Variants in ARHGAP26 observed in about 807,000 individuals in gnomAD.
ARHGAP26 encodes Rho GTPase activating protein 26.
Under a neutral mutation model 104.8 loss-of-function variants are expected in ARHGAP26, and 38 were observed. That is an observed-to-expected ratio of 0.36 (90% CI 0.28 to 0.48). The LOEUF is 0.48. Ranked by LOEUF, ARHGAP26 falls within the 20% of genes least tolerant of loss-of-function variation. The probability of loss-of-function intolerance (pLI) is 0.99; values close to 1 mark genes in which losing one functional copy is unlikely to be tolerated. For synonymous variants in ARHGAP26, 341 were observed against 340.0 expected (o/e 1.00, Z -0.03); for missense variants, 704 against 947.9 (o/e 0.74, Z 3.38).
In ARHGAP26 at chr5:142,959,570, T is replaced by C. The variant is rs979803159; in HGVS notation, c.1107+27445T>C. On this transcript the variant is annotated intron_variant, in intron 11 of 22. Transcript: ENST00000645722. ...CTCCCAGCCTCTGGAGGCAGCGCCA[T>C]GTTCCTCCTCTTGAGGCTCCTCCAT... Among the ~76,000 whole-genome samples the C allele has an allele frequency of 1.4e-4, 22 of 152,344 alleles. No homozygotes were observed. In the South Asian group the frequency reaches 1.7e-3, roughly 11 times the overall value.
chr5:143,019,451 G>C (rs769125835), intron 12 of ARHGAP26, among the ~76,000 whole-genome samples: 1 of 152,090 alleles, frequency 6.6e-6, no homozygotes, highest in Non-Finnish European at 1.5e-5. Context: ...TCTTTTTGCT[G>C]TTCCCTACCT....
chr5:143,043,617 A>G (rs1466486075), intron 14 of ARHGAP26, among the ~76,000 whole-genome samples: 1 of 152,208 alleles, frequency 6.6e-6, no homozygotes, highest in African/African-American at 2.4e-5. Context: ...AATTTCTAAT[A>G]TAAGGAAGAA....
At chr5:143,173,778 G>T (rs1803112747) in intron 20 of ARHGAP26, among the ~76,000 whole-genome samples, 1 of 152,196 alleles carries the variant, frequency 6.6e-6, no homozygotes, top group South Asian at 2.1e-4. Context: ...GGAGTTCTGA[G>T]TCATGCTGTG....
chr5:143,099,260 T>C (rs1294425402), intron 17 of ARHGAP26, among the ~76,000 whole-genome samples: 1 of 152,244 alleles, frequency 6.6e-6, no homozygotes, highest in Non-Finnish European at 1.5e-5. Context: ...TAAAAAATTA[T>C]ATTCCCAGAA....
chr5:143,218,795 C>G (rs1810742334), intron 22 of ARHGAP26, among the ~76,000 whole-genome samples: 2 of 152,240 alleles, frequency 1.3e-5, no homozygotes, highest in African/African-American at 4.8e-5. Flanking sequence ...AAGCACTTAG[C>G]ATCTTTGATG....
At chr5:143,171,050 T>C (rs1037403073) in intron 20 of ARHGAP26, among the ~76,000 whole-genome samples, 1 of 151,900 alleles carries the variant, frequency 6.6e-6, no homozygotes, top group Non-Finnish European at 1.5e-5. Flanking sequence ...GAGCAGGAAA[T>C]CCTTGAAAGG....
rs545388564 is a variant in ARHGAP26 at position 142,828,768 on chromosome 5, C to G, written c.155-44632C>G. Among the ~76,000 whole-genome samples, 15 of 152,236 alleles carry G rather than the reference C, an allele frequency of 9.9e-5. No individual in the cohort carries two copies. In the East Asian group the frequency reaches 1.4e-3, roughly 14 times the overall value. On this transcript the variant is annotated intron_variant, in intron 1 of 22. Transcript: ENST00000645722. ...TATATTTTGAGGGGTTGGCAACTCTCTCCGCATGCTCAGGGAGAGTTGCCA... is the reference window on the plus strand; with the variant it reads ...TATATTTTGAGGGGTTGGCAACTCTGTCCGCATGCTCAGGGAGAGTTGCCA...
At chr5:143,071,992 G>T (rs1023951418) in intron 17 of ARHGAP26, among the ~76,000 whole-genome samples, 2 of 151,816 alleles carry the variant, frequency 1.3e-5, no homozygotes, top group African/African-American at 4.8e-5. Flanking sequence ...AGAATGAAAA[G>T]AACACCTACA....
intron 1 of ARHGAP26, among the ~76,000 whole-genome samples, chr5:142,826,278 A>G (rs1767244440): frequency 6.6e-6 from 1 of 152,216 alleles, no homozygotes; most frequent in Non-Finnish European, 1.5e-5. Context: ...GAGATTGTCC[A>G]TACACTTGTC....
intron 13 of ARHGAP26, chr5:143,041,450 G>A (rs3776354): frequency 0.053 from 9,178 of 174,494 alleles, 334 homozygotes; most frequent in South Asian, 0.16. Context: ...AATTTTTAAT[G>A]TCATTTTTGG....
intron 1 of ARHGAP26, among the ~76,000 whole-genome samples, chr5:142,794,218 T>C (rs1443242480): frequency 1.3e-5 from 2 of 152,224 alleles, no homozygotes; most frequent in Admixed American, 6.5e-5. Context: ...ATGGTTCTCA[T>C]TGGCTCTTTG....
intron 1 of ARHGAP26, among the ~76,000 whole-genome samples, chr5:142,817,567 C>T (rs1049170063): frequency 1.3e-5 from 2 of 152,064 alleles, no homozygotes; most frequent in East Asian, 1.9e-4. Context: ...GGTCTGGGGT[C>T]GGGCCTCGAT....
intron 19 of ARHGAP26, among the ~76,000 whole-genome samples, chr5:143,136,727 G>T (rs1402099249): frequency 6.6e-6 from 1 of 152,120 alleles, no homozygotes; most frequent in Non-Finnish European, 1.5e-5. Context: ...CGTCACTGTC[G>T]GGTGAGCAGA....
intron 17 of ARHGAP26, 60 bp from the exon 18 acceptor site, chr5:143,120,928 G>T (rs1009442476): frequency 7.9e-6 from 12 of 1,524,704 alleles, no homozygotes; most frequent in Middle Eastern, 3.5e-4. Flanking sequence ...ATACAGGGTG[G>T]TTGGTATCTC....
At chr5:143,007,863 G>A (rs1318786666) in intron 11 of ARHGAP26, among the ~76,000 whole-genome samples, 4 of 152,252 alleles carry the variant, frequency 2.6e-5, no homozygotes, top group African/African-American at 9.6e-5. Context: ...TGATTTAAAC[G>A]TTGACCTTAG....
chr5:142,994,839 A>G (rs372993247), intron 11 of ARHGAP26, among the ~76,000 whole-genome samples: 1 of 152,182 alleles, frequency 6.6e-6, no homozygotes, highest in Non-Finnish European at 1.5e-5. Flanking sequence ...CATTTTATAG[A>G]TGGGGTAATG....
intron 9 of ARHGAP26, among the ~76,000 whole-genome samples, chr5:142,910,040 A>T (rs1275810704): frequency 2.0e-5 from 3 of 152,208 alleles, no homozygotes; most frequent in Non-Finnish European, 4.4e-5. Context: ...GTATATAAAA[A>T]TTTTTTGGAA....
intron 20 of ARHGAP26, among the ~76,000 whole-genome samples, chr5:143,175,459 T>C (rs1803346469): frequency 6.6e-6 from 1 of 152,178 alleles, no homozygotes; most frequent in Non-Finnish European, 1.5e-5. Flanking sequence ...TGTAAGTATG[T>C]AAGATATTTT....
intron 17 of ARHGAP26, among the ~76,000 whole-genome samples, chr5:143,099,221 G>C (rs1792866872): frequency 6.6e-6 from 1 of 152,136 alleles, no homozygotes; most frequent in African/African-American, 2.4e-5. Flanking sequence ...ATAGTAAATA[G>C]CGTAAGTTAA....
Sources: allele counts gnomAD v4.1 joint callset (sites outside exome capture counted in the v4.1 genomes callset), GRCh38; gene constraint gnomAD v4.1.1; transcripts MANE v1.5; gene names NCBI Gene and HGNC (gene_info 2026-07-23, HGNC 2026-07-21).